The following CRELD2 variants were observed in gnomAD, a reference collection of about 807,000 sequenced individuals.
The protein encoded by CRELD2 is CRELD disulfide isomerase 2.
A neutral mutation model predicts 48.1 loss-of-function variants in CRELD2; 33 were observed. That is an observed-to-expected ratio of 0.69 (90% CI 0.52 to 0.92). CRELD2 has a LOEUF of 0.92. CRELD2 is among the 40% of genes least tolerant of loss of function. CRELD2 has a pLI of 0.00. For missense variants in CRELD2, 477 were observed against 482.4 expected (o/e 0.99, Z 0.10); for synonymous variants, 220 against 203.9 (o/e 1.08, Z -0.67).
intron 6 of CRELD2, 87 bp from the exon 7 acceptor site, chr22:49,923,147 A>C (rs2060718638): frequency 1.8e-6 from 2 of 1,104,518 alleles, no homozygotes; most frequent in Non-Finnish European, 1.3e-6. Context: ...GGCCCTGGCC[A>C]CGGGCTGTGT....
At chr22:49,924,294 T>C (rs2060734514) in intron 7 of CRELD2, 66 bp from the exon 8 acceptor site, 1 of 1,168,922 alleles carries the variant, frequency 8.6e-7, no homozygotes, top group Admixed American at 2.0e-5. Context: ...GCCTTGTGCA[T>C]GTCGGGGTCT....
chr22:49,925,604 G>A (rs367840963), intron 9 of CRELD2, 47 bp downstream of exon 9: 61 of 1,607,260 alleles, frequency 3.8e-5, no homozygotes, highest in Non-Finnish European at 4.9e-5. Flanking sequence ...CCCCTGGGCC[G>A]CAGGGCTTGC....
At chr22:49,924,529 T>C in intron 8 of CRELD2, 74 bp downstream of exon 8, 1 of 1,130,258 alleles carries the variant, frequency 8.8e-7, no homozygotes, top group Non-Finnish European at 1.3e-6. Flanking sequence ...CCCCAGCAGG[T>C]ACTGCCAGGG....
chr22:49,923,169 C>G (rs899730220), intron 6 of CRELD2, 65 bp from the exon 7 acceptor site: 2 of 1,312,076 alleles, frequency 1.5e-6, no homozygotes, highest in South Asian at 2.9e-5. Flanking sequence ...AGGCCATGAT[C>G]GGTCCTTCCC....
intron 8 of CRELD2, chr22:49,925,214 A>G (rs991237113): frequency 4.2e-6 from 2 of 478,536 alleles, no homozygotes; most frequent in Non-Finnish European, 7.4e-6. Flanking sequence ...TCTTCTCTGC[A>G]TTTTCTACCA....
chr22:49,919,450 G>T, intron 2 of CRELD2, 138 bp downstream of exon 2: 3 of 784,790 alleles, frequency 3.8e-6, no homozygotes, highest in Non-Finnish European at 6.4e-6. Flanking sequence ...AGTCACCTCG[G>T]CTTCTCCCTG....
intron 1 of CRELD2, 98 bp downstream of exon 1, chr22:49,918,996 C>G (rs900121132): frequency 2.7e-6 from 3 of 1,113,504 alleles, no homozygotes; most frequent in Admixed American, 3.0e-5. Flanking sequence ...TCGCCCTCAC[C>G]CTGGATCCGG....
chr22:49,919,420 A>C, intron 2 of CRELD2, 108 bp downstream of exon 2: 3 of 1,030,020 alleles, frequency 2.9e-6, no homozygotes, highest in Non-Finnish European at 4.4e-6. Flanking sequence ...ACAGCCCCCG[A>C]GGCACCAGTC....
chr22:49,924,449 T>C lies in CRELD2; in HGVS notation c.862T>C (p.Cys288Arg). 6.2e-7 allele frequency: 1 copy of C among 1,604,784 alleles called. No homozygotes were observed. Among genetic ancestry groups the C allele is most frequent in the Non-Finnish European group, 8.5e-7 (1 of 1,175,188 alleles). Residue 288 changes from cysteine to arginine, a missense_variant, in exon 8 of 10, where the codon TGT (cysteine) becomes CGT (arginine). Physicochemically the swap from Cys to Arg is radical, Grantham distance 180. Transcript: ENST00000328268. ...ISGYAREHGQ[C>R]ADVDECSLAE... ...TGGCTACGCGAGGGAGCACGGACAG[T>C]GTGCAGGTCAGTGACGGGGTCTGTG...
chr22:49,918,846 A>G lies in CRELD2; in HGVS notation c.77A>G (p.Lys26Arg). Residue 26 changes from lysine to arginine, a missense_variant, in exon 1 of 10, where the codon AAG becomes AGG. Transcript: ENST00000328268. ...LLLPPAPEAA[K>R]KPTPCHRCRG... ...CTGCCGCCCGCGCCGGAGGCCGCCA[A>G]GAAGCCGACGCCCTGCCACCGGTGC... 7.6e-7 allele frequency: 1 copy of G among 1,322,548 alleles called. No individual in the cohort carries two copies. 81.9% of individuals were successfully genotyped at this position (1,322,548 alleles called of 1,614,324 possible). A position where few individuals can be genotyped will look rare whatever the true frequency, so the allele number is the denominator to read the frequency against.
intron 4 of CRELD2, 136 bp downstream of exon 4, chr22:49,920,383 T>A: frequency 1.6e-6 from 1 of 619,834 alleles, no homozygotes; most frequent in Non-Finnish European, 2.8e-6. Flanking sequence ...GCCGGATGGC[T>A]GCCTCCCCCA....
rs773862738 is a variant in CRELD2, at chr22:49,922,254, GATAGT to G, written c.593-357_593-353del. 1.5e-4 allele frequency: 227 copies of G among 1,563,830 alleles called. 2 individuals are homozygous for G. In the South Asian group the frequency reaches 2.5e-3, roughly 17 times the overall value. On this transcript the variant is annotated intron_variant, in intron 5 of 9. Coordinates refer to ENST00000328268, the MANE Select transcript of CRELD2 (RefSeq NM_024324.5). ...TTCTGGGCAGACAGACCCGTGGATC[GATAGT>G]CAGGACCGGCCTCTCCGATTCTTAC...
rs778201045 is a variant in CRELD2, at chr22:49,923,437, T to G, written c.772+120T>G. 2.8e-5 allele frequency: 22 copies of G among 784,772 alleles called. No individual in the cohort carries two copies. The Admixed American group carries it at 4.0e-4, about 14-fold the overall frequency. The allele number at this position is 784,772 out of a possible 1,614,324, so 48.6% of individuals were successfully genotyped here. A position where few individuals can be genotyped will look rare whatever the true frequency, so the allele number is the denominator to read the frequency against. On this transcript the variant is annotated intron_variant, in intron 7 of 9. Transcript: ENST00000328268. Reference sequence around the variant, plus strand: ...TACATCCTGCCTGCCCTGAGAACACTTAGTGTGGCAAAGTAAGTCATAGGT... The same window carrying G: ...TACATCCTGCCTGCCCTGAGAACACGTAGTGTGGCAAAGTAAGTCATAGGT...
At chr22:49,924,187 G>C in intron 7 of CRELD2, 173 bp from the exon 8 acceptor site, 2 of 545,788 alleles carry the variant, frequency 3.7e-6, no homozygotes, top group South Asian at 4.4e-5. Flanking sequence ...TGCACAGCAG[G>C]ACGCGAGTCT....
intron 4 of CRELD2, chr22:49,921,231 T>C (rs1267212261): frequency 8.0e-6 from 2 of 248,784 alleles, no homozygotes; most frequent in Non-Finnish European, 1.6e-5. Context: ...CATCTAAACA[T>C]AGAACAGGTA....
At chr22:49,922,151 C>T (rs1236882854) in intron 5 of CRELD2, 2 of 923,874 alleles carry the variant, frequency 2.2e-6, no homozygotes, top group African/African-American at 1.8e-5. Flanking sequence ...ACGTTTTCTC[C>T]CTGGTTGTCA....
At chr22:49,921,485 G>C (rs1336928682) in intron 4 of CRELD2, 100 bp from the exon 5 acceptor site, 3 of 1,250,726 alleles carry the variant, frequency 2.4e-6, no homozygotes, top group South Asian at 1.5e-5. Flanking sequence ...TACGTCCTCA[G>C]AATCGTACAG....
At position 49,924,391 on chromosome 22, in the gene CRELD2, G is replaced by A. The variant is rs1454635966; in HGVS notation, c.804G>A (p.Gly268=). ...ACTCCAGCTGTGTGGGCTGCACAGG[G>A]GAAGGCCCAGGAAACTGTAAAGAGT... ...ECDSSCVGCT[G]EGPGNCKECI... The change falls in exon 8 of 10, where the codon GGG becomes GGA. Residue 268 remains glycine (G), a synonymous_variant. Transcript: ENST00000328268. The A allele has an allele frequency of 6.2e-7, 1 of 1,612,530 alleles. No homozygotes were observed. Among genetic ancestry groups the A allele is most frequent in the Non-Finnish European group, 8.5e-7 (1 of 1,179,480 alleles).
intron 5 of CRELD2, chr22:49,922,140 G>C (rs1432134282): frequency 1.2e-6 from 1 of 835,642 alleles, no homozygotes; most frequent in Middle Eastern, 3.7e-4. Flanking sequence ...CTTTCCAAAG[G>C]ACGTTTTCTC....
Sources: allele counts gnomAD v4.1 joint callset, GRCh38; gene constraint gnomAD v4.1.1; transcripts MANE v1.5; gene names NCBI Gene and HGNC (gene_info 2026-07-23, HGNC 2026-07-21).